The following SYNE3 variants were observed in gnomAD, a reference collection of about 807,000 sequenced individuals.
The protein encoded by SYNE3 is nesprin-3.
Under a neutral mutation model 111.2 loss-of-function variants are expected in SYNE3, and 100 were observed. The ratio of observed to expected loss-of-function variants is 0.90; its 90% CI spans 0.77 to 1.06. SYNE3 has a LOEUF of 1.06. Among genes scored for constraint, SYNE3 ranks in the 50% least tolerant of loss-of-function variants. SYNE3 has a pLI of 0.00. For synonymous variants in SYNE3, 547 were observed against 533.9 expected (o/e 1.02, Z -0.34); for missense variants, 1,160 against 1,240.3 (o/e 0.94, Z 0.97).
intron 1 of SYNE3, among the ~76,000 whole-genome samples, chr14:95,487,662 G>A (rs1005350819): frequency 9.2e-5 from 14 of 151,908 alleles, no homozygotes; most frequent in African/African-American, 1.9e-4. Flanking sequence ...GAACATACCC[G>A]CCTCCCCTTT....
chr14:95,421,330 T>C (rs185946002), intron 17 of SYNE3, among the ~76,000 whole-genome samples: 422 of 152,244 alleles, frequency 2.8e-3, no homozygotes, highest in Non-Finnish European at 4.0e-3. Context: ...CTCCAAGGTC[T>C]TACATGATGA....
At chr14:95,439,840 T>C in intron 12 of SYNE3, 56 bp from the exon 13 acceptor site, 2 of 1,590,394 alleles carry the variant, frequency 1.3e-6, no homozygotes, top group Non-Finnish European at 8.6e-7. Context: ...GGGAGGTTTC[T>C]GCTCCTTGGT....
At chr14:95,421,440 T>G (rs899427386) in intron 17 of SYNE3, among the ~76,000 whole-genome samples, 2 of 152,162 alleles carry the variant, frequency 1.3e-5, no homozygotes, top group Non-Finnish European at 2.9e-5. Context: ...GGGGGAAATA[T>G]AAGGTTTGGA....
chr14:95,429,107 C>T (rs1260133585), intron 17 of SYNE3, among the ~76,000 whole-genome samples: 1 of 152,242 alleles, frequency 6.6e-6, no homozygotes, highest in Admixed American at 6.5e-5. Flanking sequence ...CACTCCAACC[C>T]GTGAAGAATC....
chr14:95,453,079 G>T (rs996197649), intron 6 of SYNE3, among the ~76,000 whole-genome samples: 2 of 152,180 alleles, frequency 1.3e-5, no homozygotes, highest in Non-Finnish European at 2.9e-5. Flanking sequence ...TGGGGTAGTA[G>T]AAAGTGCTGG....
At chr14:95,455,801 G>A in intron 5 of SYNE3, 77 bp from the exon 6 acceptor site, 2 of 1,423,542 alleles carry the variant, frequency 1.4e-6, no homozygotes, top group Non-Finnish European at 1.9e-6. Context: ...GAGCAGACCT[G>A]GGACTGCCCT....
chr14:95,418,942 T>G (rs2761904), intron 17 of SYNE3, among the ~76,000 whole-genome samples: 1 of 152,002 alleles, frequency 6.6e-6, no homozygotes, highest in Non-Finnish European at 1.5e-5. Context: ...CTCTTCTCCC[T>G]CTCTTCCTCC....
intron 4 of SYNE3, among the ~76,000 whole-genome samples, chr14:95,461,882 A>G (rs1887843719): frequency 6.6e-6 from 1 of 152,204 alleles, no homozygotes. Flanking sequence ...GGGTATGTGG[A>G]GTGCCCACCC....
chr14:95,424,585 G>T (rs1215807780), intron 17 of SYNE3, among the ~76,000 whole-genome samples: 1 of 152,206 alleles, frequency 6.6e-6, no homozygotes, highest in African/African-American at 2.4e-5. Flanking sequence ...GTCAGAGTGA[G>T]CACAGCCCAT....
intron 2 of SYNE3, among the ~76,000 whole-genome samples, chr14:95,468,538 C>T (rs985233453): frequency 9.9e-5 from 15 of 152,244 alleles, no homozygotes; most frequent in African/African-American, 3.1e-4. Context: ...GAAGCAGCTC[C>T]CTTCCTGGGA....
intron 1 of SYNE3, among the ~76,000 whole-genome samples, chr14:95,479,514 T>G (rs1889100382): frequency 6.6e-6 from 1 of 152,116 alleles, no homozygotes; most frequent in Non-Finnish European, 1.5e-5. Context: ...TCTCACCAGC[T>G]CAAGGTTGGG....
chr14:95,504,539 C>T (rs1890457115), intron 1 of SYNE3, among the ~76,000 whole-genome samples: 5 of 152,228 alleles, frequency 3.3e-5, no homozygotes, highest in Admixed American at 2.6e-4. Context: ...ATTTAGGGGG[C>T]CTTTGCCACT....
At chr14:95,426,693 T>C (rs1885443550) in intron 17 of SYNE3, among the ~76,000 whole-genome samples, 2 of 151,920 alleles carry the variant, frequency 1.3e-5, no homozygotes, top group East Asian at 3.9e-4. Flanking sequence ...AGAATAGTTA[T>C]ACTATTGGGA....
intron 4 of SYNE3, among the ~76,000 whole-genome samples, chr14:95,464,315 G>A (rs2139468538): frequency 6.6e-6 from 1 of 152,300 alleles, no homozygotes; most frequent in Non-Finnish European, 1.5e-5. Context: ...GGTGCCTGAA[G>A]TCTTAGTTAC....
rs558099603 is a variant in SYNE3, at chr14:95,462,839, C to T, written c.627+3092G>A. ...TTTCTACTGGGCCGCTGGTGTCTGA[C>T]GCACAGAATGTTTTTTAATCTAAAA... On this transcript the variant is annotated intron_variant, in intron 4 of 17. Transcript: ENST00000682763. 1.3e-4 allele frequency among the ~76,000 whole-genome samples: 20 copies of T among 152,340 alleles called. 1 individual carries two copies. The highest frequency in any genetic ancestry group is 1.0e-3 in the South Asian group (5 of 4,822).
chr14:95,493,709 G>A (rs74080384), intron 1 of SYNE3, among the ~76,000 whole-genome samples: 6,499 of 152,258 alleles, frequency 0.043, 460 homozygotes, highest in African/African-American at 0.15. Flanking sequence ...GAAGCCAGCC[G>A]CCACGGACAG....
chr14:95,426,046 C>T, intron 17 of SYNE3, among the ~76,000 whole-genome samples: 1 of 152,166 alleles, frequency 6.6e-6, no homozygotes, highest in Admixed American at 6.5e-5. Context: ...GGGTGAATTT[C>T]AGAGGAGTTG....
intron 17 of SYNE3, among the ~76,000 whole-genome samples, chr14:95,426,559 C>T (rs2139357658): frequency 6.6e-6 from 1 of 152,204 alleles, no homozygotes; most frequent in Admixed American, 6.5e-5. Flanking sequence ...CAGCACAGTG[C>T]CTGACACACA....
rs751554061 is a variant in SYNE3, at chr14:95,412,018, C to T, written c.*5808G>A. 9.2e-5 allele frequency: 14 copies of T among 152,372 alleles called. No homozygotes were observed. Among genetic ancestry groups the T allele is most frequent in the Non-Finnish European group, 1.6e-4 (11 of 68,144 alleles). The allele number at this position is 152,372 out of a possible 1,614,324, so 9.4% of individuals were successfully genotyped here. A position where few individuals can be genotyped will look rare whatever the true frequency, so the allele number is the denominator to read the frequency against. On this transcript the variant is annotated 3_prime_UTR_variant, in exon 18 of 18. Transcript: ENST00000682763. ...CTTAGCCTTAAGCCTCCCCTTGAAG[C>T]CTCCAGGAGCCTCCCAAGCTGTGTT...
Sources: gnomAD v4.1 joint callset for allele counts (sites outside exome capture counted in the v4.1 genomes callset) on GRCh38, gnomAD v4.1.1 for gene constraint, MANE v1.5 for transcripts, NCBI Gene and HGNC (gene_info 2026-07-23, HGNC 2026-07-21) for gene names.